NXPH1: variants seen among roughly 807,000 people sequenced by gnomAD.
The protein encoded by NXPH1 is neurexophilin-1.
Under a neutral mutation model 23.7 loss-of-function variants are expected in NXPH1, and 5 were observed. The ratio of observed to expected loss-of-function variants is 0.21; its 90% CI spans 0.11 to 0.44. The LOEUF (loss-of-function observed/expected upper bound fraction) is 0.44. Among genes scored for constraint, NXPH1 ranks in the 20% least tolerant of loss-of-function variants. NXPH1 has a pLI of 0.99. For synonymous variants in NXPH1, 144 were observed against 122.2 expected (o/e 1.18, Z -1.18); for missense variants, 324 against 321.6 (o/e 1.01, Z -0.06).
chr7:8,749,522 AGTGTCCCTG>A (rs1263210939), intron 2 of NXPH1, among the ~76,000 whole-genome samples: 11 of 152,220 alleles, frequency 7.2e-5, no homozygotes, highest in Non-Finnish European at 4.4e-5. Flanking sequence ...AGTCTAGGGA[AGTGTCCCTG>A]GAACACAGCT....
intron 2 of NXPH1, among the ~76,000 whole-genome samples, chr7:8,621,765 C>T (rs1212881784): frequency 6.6e-6 from 1 of 152,134 alleles, no homozygotes; most frequent in East Asian, 1.9e-4. Flanking sequence ...GGATTCAACT[C>T]TTTATTGAGC....
intron 2 of NXPH1, among the ~76,000 whole-genome samples, chr7:8,684,171 C>T (rs900540904): frequency 6.6e-6 from 1 of 152,258 alleles, no homozygotes; most frequent in Non-Finnish European, 1.5e-5. Context: ...GCTCATGGGT[C>T]TGCCTTTTCA....
chr7:8,460,957 T>C (rs1170269148), intron 2 of NXPH1, among the ~76,000 whole-genome samples: 1 of 152,216 alleles, frequency 6.6e-6, no homozygotes, highest in Non-Finnish European at 1.5e-5. Context: ...TTCCTCAACT[T>C]CATTTCCCTT....
intron 2 of NXPH1, among the ~76,000 whole-genome samples, chr7:8,567,427 A>G (rs1455756417): frequency 1.3e-5 from 2 of 151,942 alleles, no homozygotes; most frequent in African/African-American, 2.4e-5. Flanking sequence ...CAGGGCCCAC[A>G]ATGACTAACC....
At chr7:8,565,600 T>C (rs1818529590) in intron 2 of NXPH1, among the ~76,000 whole-genome samples, 1 of 151,814 alleles carries the variant, frequency 6.6e-6, no homozygotes. Context: ...ACTTTTATAC[T>C]AGAGAAAAAA....
chr7:8,608,100 C>T (rs1338137103), intron 2 of NXPH1, among the ~76,000 whole-genome samples: 1 of 152,136 alleles, frequency 6.6e-6, no homozygotes, highest in Admixed American at 6.5e-5. Flanking sequence ...TGGCTTCTAC[C>T]CTCTGGAACT....
At chr7:8,510,373 T>G (rs75707611) in intron 2 of NXPH1, among the ~76,000 whole-genome samples, 5,749 of 152,100 alleles carry the variant, frequency 0.038, 318 homozygotes, top group African/African-American at 0.13. Flanking sequence ...CCTTCTGAGG[T>G]AACTAATATG....
At chr7:8,648,165 T>C (rs1820425910) in intron 2 of NXPH1, among the ~76,000 whole-genome samples, 2 of 152,188 alleles carry the variant, frequency 1.3e-5, no homozygotes, top group African/African-American at 4.8e-5. Flanking sequence ...TTACAAACAA[T>C]CCAAATTATA....
chr7:8,731,875 C>A (rs553912500), intron 2 of NXPH1, among the ~76,000 whole-genome samples: 4 of 152,250 alleles, frequency 2.6e-5, no homozygotes, highest in African/African-American at 7.2e-5. Flanking sequence ...CCACCCAGTT[C>A]GAGCTTCCCG....
chr7:8,492,652 G>A (rs777811250), intron 2 of NXPH1, among the ~76,000 whole-genome samples: 46 of 151,920 alleles, frequency 3.0e-4, no homozygotes, highest in African/African-American at 1.1e-3. Context: ...ATGGAAGATG[G>A]CGCCATCATC....
At chr7:8,718,740 A>G (rs1779917479) in intron 2 of NXPH1, among the ~76,000 whole-genome samples, 1 of 152,168 alleles carries the variant, frequency 6.6e-6, no homozygotes, top group Admixed American at 6.5e-5. Flanking sequence ...AAGTAGGGGG[A>G]AAAACCACTT....
At chr7:8,719,145 A>C (rs574889468) in intron 2 of NXPH1, among the ~76,000 whole-genome samples, 18 of 152,364 alleles carry the variant, frequency 1.2e-4, no homozygotes. Context: ...TTAAAAATTT[A>C]ATTATTCATT....
intron 2 of NXPH1, among the ~76,000 whole-genome samples, chr7:8,592,826 C>CTTTTTTTTT (rs536236220): frequency 7.0e-6 from 1 of 142,874 alleles, no homozygotes; most frequent in African/African-American, 2.6e-5. Flanking sequence ...GTGAAATAGT[C>CTTTTTTTTT]TTTTTTTTTT....
At chr7:8,618,314 G>C (rs1489273191) in intron 2 of NXPH1, among the ~76,000 whole-genome samples, 1 of 152,140 alleles carries the variant, frequency 6.6e-6, no homozygotes, top group Non-Finnish European at 1.5e-5. Context: ...TGATTCATCT[G>C]ACTGTATTCA....
intron 2 of NXPH1, among the ~76,000 whole-genome samples, chr7:8,575,517 T>G (rs1449872782): frequency 6.6e-6 from 1 of 152,184 alleles, no homozygotes; most frequent in Non-Finnish European, 1.5e-5. Flanking sequence ...TATATGAAAT[T>G]ACTTCTACCT....
At chr7:8,683,267 G>A (rs1475323694) in intron 2 of NXPH1, among the ~76,000 whole-genome samples, 3 of 152,316 alleles carry the variant, frequency 2.0e-5, no homozygotes, top group Admixed American at 6.5e-5. Flanking sequence ...AGGGCATCAA[G>A]CCATTCATCA....
intron 2 of NXPH1, among the ~76,000 whole-genome samples, chr7:8,686,535 A>C (rs1821147361): frequency 6.6e-6 from 1 of 152,160 alleles, no homozygotes; most frequent in Non-Finnish European, 1.5e-5. Context: ...TGGCTGAATA[A>C]AAAGTCATCT....
At chr7:8,569,843 T>C (rs753423723) in intron 2 of NXPH1, among the ~76,000 whole-genome samples, 1 of 151,932 alleles carries the variant, frequency 6.6e-6, no homozygotes, top group Non-Finnish European at 1.5e-5. Flanking sequence ...AGGAGAGGGA[T>C]ACCTACGGTA....
intron 2 of NXPH1, among the ~76,000 whole-genome samples, chr7:8,723,127 T>G (rs1056306884): frequency 2.6e-5 from 4 of 152,210 alleles, no homozygotes; most frequent in Admixed American, 1.3e-4. Flanking sequence ...CTTCGCATTT[T>G]AAAAACCCCA....
Sources: gnomAD v4.1 joint callset for allele counts (sites outside exome capture counted in the v4.1 genomes callset) on GRCh38, gnomAD v4.1.1 for gene constraint, MANE v1.5 for transcripts, NCBI Gene and HGNC (gene_info 2026-07-23, HGNC 2026-07-21) for gene names.